The following TNR variants were observed in gnomAD, a reference collection of about 807,000 sequenced individuals.
The protein encoded by TNR is tenascin R.
Under a neutral mutation model 150.4 loss-of-function variants are expected in TNR, and 45 were observed. That is an observed-to-expected ratio of 0.30 (90% CI 0.24 to 0.38). The LOEUF (loss-of-function observed/expected upper bound fraction) is 0.38, where lower values mean the gene tolerates loss of function less well. Among genes scored for constraint, TNR ranks in the 10% least tolerant of loss-of-function variants. The pLI, the probability that TNR is intolerant of heterozygous loss-of-function variation, is 1.00. For missense variants in TNR, 1,544 were observed against 1,759.1 expected (o/e 0.88, Z 2.19); for synonymous variants, 687 against 678.4 (o/e 1.01, Z -0.20).
chr1:175,628,526 TAA>T (rs57639805), intron 1 of TNR, among the ~76,000 whole-genome samples: 6 of 147,978 alleles, frequency 4.1e-5, no homozygotes, highest in East Asian at 3.9e-4. Flanking sequence ...ATAATAAAAT[TAA>T]AAAAAAAAAG....
chr1:175,564,552 G>C lies in TNR; in HGVS notation c.-164-36183C>G, dbSNP rs542205710. 6.4e-4 allele frequency among the ~76,000 whole-genome samples: 97 copies of C among 152,276 alleles called. 1 individual carries two copies. The highest frequency in any genetic ancestry group is 2.3e-3 in the African/African-American group (94 of 41,544). ...TGTATTGGTTGCACATTTTGATGCT[G>C]ACTCTAGACATTCCTGGGGACAGCT... On this transcript the variant is annotated intron_variant, in intron 1 of 22. Transcript: ENST00000367674.
intron 1 of TNR, among the ~76,000 whole-genome samples, chr1:175,691,714 A>C (rs1666374333): frequency 6.6e-6 from 1 of 152,180 alleles, no homozygotes; most frequent in African/African-American, 2.4e-5. Flanking sequence ...CTTAGGTGAC[A>C]GACAGGCAGC....
chr1:175,723,883 A>G lies in TNR; in HGVS notation c.-165+19343T>C, dbSNP rs1028634049. Among the ~76,000 whole-genome samples, 17 of 152,274 alleles carry G rather than the reference A, an allele frequency of 1.1e-4. No individual in the cohort carries two copies. In the South Asian group the frequency reaches 3.5e-3, roughly 32 times the overall value. Reference sequence around the variant, plus strand: ...GAGATTCTGTCTCAATAAATAAATAAATAAATTTATTTTTTCTTGGCTCCT... The same window carrying G: ...GAGATTCTGTCTCAATAAATAAATAGATAAATTTATTTTTTCTTGGCTCCT... On this transcript the variant is annotated intron_variant, in intron 1 of 22. Transcript: ENST00000367674.
chr1:175,467,943 T>A (rs774783294), intron 2 of TNR, among the ~76,000 whole-genome samples: 1 of 152,240 alleles, frequency 6.6e-6, no homozygotes, highest in Non-Finnish European at 1.5e-5. Flanking sequence ...GCCTTTAAAG[T>A]ACTAACATAA....
intron 21 of TNR, among the ~76,000 whole-genome samples, chr1:175,327,179 TTC>T (rs1019356033): frequency 3.3e-5 from 5 of 152,108 alleles, no homozygotes; most frequent in Admixed American, 2.0e-4. Flanking sequence ...CCTGGAGCAG[TTC>T]TCTCCAGCTT....
chr1:175,540,624 G>A lies in TNR; in HGVS notation c.-164-12255C>T, dbSNP rs561920151. 2.3e-4 allele frequency among the ~76,000 whole-genome samples: 35 copies of A among 152,254 alleles called. No individual in the cohort carries two copies. In the South Asian group the frequency reaches 5.2e-3, roughly 23 times the overall value. On this transcript the variant is annotated intron_variant, in intron 1 of 22. Coordinates refer to ENST00000367674, the MANE Select transcript of TNR (RefSeq NM_003285.3). Reference sequence around the variant, plus strand: ...GCTCATCTTTGAAAGAGTACAGCTAGACACTTGACTTTGGCACTTTTTTTC... The same window carrying A: ...GCTCATCTTTGAAAGAGTACAGCTAAACACTTGACTTTGGCACTTTTTTTC...
intron 2 of TNR, among the ~76,000 whole-genome samples, chr1:175,453,734 G>A (rs1656430386): frequency 6.6e-6 from 1 of 151,830 alleles, no homozygotes; most frequent in South Asian, 2.1e-4. Context: ...ACCACACCTG[G>A]CTAATTAAAA....
chr1:175,677,783 A>C (rs1665907366), intron 1 of TNR, among the ~76,000 whole-genome samples: 1 of 152,190 alleles, frequency 6.6e-6, no homozygotes, highest in Non-Finnish European at 1.5e-5. Context: ...TTAACTGGGA[A>C]TTAAAAATCT....
intron 1 of TNR, among the ~76,000 whole-genome samples, chr1:175,631,211 T>C (rs1446078878): frequency 6.6e-6 from 1 of 152,208 alleles, no homozygotes; most frequent in Non-Finnish European, 1.5e-5. Context: ...CCTACATACA[T>C]GAAATGCATA....
chr1:175,520,808 GTGCC>G (rs1659608281), intron 2 of TNR, among the ~76,000 whole-genome samples: 1 of 151,976 alleles, frequency 6.6e-6, no homozygotes, highest in Non-Finnish European at 1.5e-5. Flanking sequence ...TCCTAGCAGG[GTGCC>G]ATGTTCTAAA....
At chr1:175,335,485 A>G (rs1426245202) in intron 20 of TNR, 6 of 471,002 alleles carry the variant, frequency 1.3e-5, no homozygotes, top group Non-Finnish European at 2.2e-5. Context: ...ATAAGAGACT[A>G]TTAATGAGGA....
chr1:175,716,492 C>T (rs560989442), intron 1 of TNR, among the ~76,000 whole-genome samples: 1 of 152,276 alleles, frequency 6.6e-6, no homozygotes, highest in East Asian at 1.9e-4. Context: ...TACTGCCTTT[C>T]AAAGAGCTCT....
chr1:175,580,925 G>A (rs561315781), intron 1 of TNR, among the ~76,000 whole-genome samples: 1 of 152,122 alleles, frequency 6.6e-6, no homozygotes, highest in Non-Finnish European at 1.5e-5. Context: ...GTTTCAAGTT[G>A]TCAGGGGGTG....
rs746285671 is a variant in TNR at position 175,406,632 on chromosome 1, G to A, written c.83C>T (p.Pro28Leu). The change falls in exon 3 of 23, where the codon CCT becomes CTT. Residue 28 changes from proline (P) to leucine (L), a missense_variant. By Grantham distance (98) the Pro-to-Leu change is moderately conservative. This residue lies in a region of TNR where 1,254 missense variants were observed against 1,329.4 expected (regional missense o/e 0.94). Coordinates refer to ENST00000367674, the MANE Select transcript of TNR (RefSeq NM_003285.3). Reference protein sequence around the residue: ...NLILLGSMIKPSECQLEVTTE... With the variant: ...NLILLGSMIKLSECQLEVTTE... Reference sequence around the variant, plus strand: ...GGTGACCTCCAGCTGACACTCTGAAGGCTTGATCATGGAGCCCAGAAGGAT... The same window carrying A: ...GGTGACCTCCAGCTGACACTCTGAAAGCTTGATCATGGAGCCCAGAAGGAT... 1 of 1,614,246 alleles carries A rather than the reference G, an allele frequency of 6.2e-7. No homozygotes were observed. The highest frequency in any genetic ancestry group is 8.5e-7 in the Non-Finnish European group (1 of 1,180,048).
chr1:175,386,066 G>T lies in TNR; in HGVS notation c.1743C>A (p.Asn581Lys), dbSNP rs758748473. 1 of 1,605,886 alleles carries T rather than the reference G, an allele frequency of 6.2e-7. No individual in the cohort carries two copies. The highest frequency in any genetic ancestry group is 1.1e-5 in the South Asian group (1 of 90,666). ...EVSVSAVRGT[N>K]ESDSATTQFT... is the part of the protein sequence containing the mutation. ...ACTGAGTGGTGGCAGAATCGCTCTC[G>T]TTGGTCCCTCGGACGGCACTGACTG... The change falls in exon 8 of 23, where the codon AAC (asparagine) becomes AAA (lysine). Residue 581 changes from asparagine to lysine, a missense_variant. Around this residue, in one of 2 missense-constraint regions of TNR, gnomAD observed 1,254 missense variants for 1,329.4 expected, o/e 0.94. Coordinates refer to ENST00000367674, the MANE Select transcript of TNR (RefSeq NM_003285.3).
chr1:175,675,002 G>A (rs988950879), intron 1 of TNR, among the ~76,000 whole-genome samples: 14 of 152,186 alleles, frequency 9.2e-5, no homozygotes, highest in Non-Finnish European at 2.9e-5. Context: ...GCAGGATTTG[G>A]GGAGATGGGG....
intron 1 of TNR, among the ~76,000 whole-genome samples, chr1:175,591,305 G>A (rs796994498): frequency 5.3e-5 from 8 of 152,288 alleles, no homozygotes; most frequent in African/African-American, 1.9e-4. Flanking sequence ...CTCCTTGCTG[G>A]ATGAGCACAG....
intron 19 of TNR, 80 bp from the exon 20 acceptor site, chr1:175,335,887 A>G (rs1376691746): frequency 2.4e-6 from 3 of 1,275,282 alleles, no homozygotes; most frequent in Non-Finnish European, 3.3e-6. Flanking sequence ...ATAAACTGTG[A>G]TAAGTAAAAT....
chr1:175,677,227 G>T (rs1665891096), intron 1 of TNR, among the ~76,000 whole-genome samples: 1 of 152,206 alleles, frequency 6.6e-6, no homozygotes, highest in South Asian at 2.1e-4. Flanking sequence ...ACTGAGGGGA[G>T]TATGTCAATA....
Sources: gnomAD v4.1 joint callset for allele counts (sites outside exome capture counted in the v4.1 genomes callset) on GRCh38, gnomAD v4.1.1 for gene constraint, gnomAD v4.1.1 regional missense constraint, MANE v1.5 for transcripts, NCBI Gene and HGNC (gene_info 2026-07-23, HGNC 2026-07-21) for gene names.